Variants in PRIM2 observed in about 807,000 individuals in gnomAD.
The protein encoded by PRIM2 is DNA primase subunit 2.
Under a neutral mutation model 67.3 loss-of-function variants are expected in PRIM2, and 39 were observed. The observed-to-expected ratio is 0.58, with a 90% CI of 0.45 to 0.76. The LOEUF is 0.76. Among genes scored for constraint, PRIM2 ranks in the 30% least tolerant of loss-of-function variants. The pLI, the probability that PRIM2 is intolerant of heterozygous loss-of-function variation, is 0.00. For missense variants in PRIM2, 398 were observed against 598.7 expected, an observed-to-expected ratio of 0.66 and a Z score of 3.50; for synonymous variants, 143 against 198.7, an observed-to-expected ratio of 0.72 and a Z score of 2.36.
chr6:57,553,131 A>G (rs1775436956), intron 10 of PRIM2, among the ~76,000 whole-genome samples: 2 of 152,228 alleles, frequency 1.3e-5, no homozygotes, highest in South Asian at 2.1e-4. Flanking sequence ...AAAGCTTGAC[A>G]TTTCACAGGA....
chr6:57,312,081 T>G (rs1767403939), upstream of PRIM2, among the ~76,000 whole-genome samples: 2 of 150,272 alleles, frequency 1.3e-5, no homozygotes, highest in African/African-American at 2.4e-5. Flanking sequence ...GGAGAGGGCT[T>G]TTCTACTGTT....
chr6:57,324,338 G>A lies in PRIM2; in HGVS notation c.338+58G>A, dbSNP rs147979494. 3 of 1,091,026 alleles carry A rather than the reference G, an allele frequency of 2.7e-6. No homozygotes were observed. In the Admixed American group the frequency reaches 5.9e-5, roughly 22 times the overall value. The allele number at this position is 1,091,026 out of a possible 1,614,324, so 67.6% of individuals were successfully genotyped here. A position where few individuals can be genotyped will look rare whatever the true frequency, so the allele number is the denominator to read the frequency against. On this transcript the variant is annotated intron_variant, in intron 4 of 13. Transcript: ENST00000615550. ...CTGGTGTCATGGGTTATAAATTGGT[G>A]TGTGGTAAGTTGATGTGTTGTGCTA...
chr6:57,288,640 T>A, the PRIM2 span, among the ~76,000 whole-genome samples: 1 of 152,122 alleles, frequency 6.6e-6, no homozygotes, highest in Admixed American at 6.5e-5. Flanking sequence ...CAGCCTCTGC[T>A]AGTGACACCC....
Position 57,643,759 on chromosome 6 carries a change from G to A in PRIM2, c.1300-2169G>A, listed in dbSNP as rs1265624740. 1.8e-3 allele frequency among the ~76,000 whole-genome samples: 278 copies of A among 152,170 alleles called. 2 individuals carry two copies. Among genetic ancestry groups the A allele is most frequent in the African/African-American group, 6.3e-3 (262 of 41,532 alleles). ...AAACATTTTGAAATCAAGCAGCTAA[G>A]TTAAAAAAATGAAGCAAAGATAAAA... On this transcript the variant is annotated intron_variant, in intron 13 of 13. Transcript: ENST00000615550.
At chr6:57,234,018 A>G in the PRIM2 span, among the ~76,000 whole-genome samples, 1 of 152,104 alleles carries the variant, frequency 6.6e-6, no homozygotes, top group South Asian at 2.1e-4. Context: ...ACGAATAAAT[A>G]GATGTATGAT....
intron 5 of PRIM2, among the ~76,000 whole-genome samples, chr6:57,374,047 A>G (rs1173130435): frequency 6.6e-6 from 1 of 152,024 alleles, no homozygotes; most frequent in African/African-American, 2.4e-5. Context: ...CAGTATGGAC[A>G]TTTTCATGAT....
intron 7 of PRIM2, among the ~76,000 whole-genome samples, chr6:57,398,349 A>G (rs532404923): frequency 6.6e-6 from 1 of 152,190 alleles, no homozygotes; most frequent in Non-Finnish European, 1.5e-5. Flanking sequence ...AATATGTTGT[A>G]TCTTTGCCCT....
chr6:57,438,365 A>T (rs1489371412), intron 7 of PRIM2, among the ~76,000 whole-genome samples: 1 of 152,198 alleles, frequency 6.6e-6, no homozygotes, highest in Non-Finnish European at 1.5e-5. Flanking sequence ...TATGAAAGGA[A>T]ATGAAAAGAT....
chr6:57,258,838 A>G, the PRIM2 span, among the ~76,000 whole-genome samples: 2 of 152,126 alleles, frequency 1.3e-5, no homozygotes, highest in Non-Finnish European at 2.9e-5. Context: ...CCGCTCCCAG[A>G]ACCTGGACTC....
At chr6:57,608,092 C>A (rs1776593669) in intron 12 of PRIM2, among the ~76,000 whole-genome samples, 1 of 151,698 alleles carries the variant, frequency 6.6e-6, no homozygotes, top group African/African-American at 2.4e-5. Flanking sequence ...GAGTCAAAAG[C>A]TGTGTTTGAA....
rs1248415384 is a variant in PRIM2, at chr6:57,345,140, A to T, written c.459+19095A>T. On this transcript the variant is annotated intron_variant, in intron 5 of 13. Coordinates refer to ENST00000615550, the MANE Select transcript of PRIM2 (RefSeq NM_000947.5). The stretch of plus-strand genomic sequence containing the variant: ...GCTATGTCCTATTTGTTTTATAATG[A>T]TATATATCTATTTCAATTTTATTAA... Among the ~76,000 whole-genome samples, 9 of 147,574 alleles carry T rather than the reference A, an allele frequency of 6.1e-5. No homozygotes were observed. The East Asian group carries it at 1.6e-3, about 26-fold the overall frequency.
intron 12 of PRIM2, among the ~76,000 whole-genome samples, chr6:57,621,176 G>T (rs1179607263): frequency 6.6e-6 from 1 of 152,200 alleles, no homozygotes; most frequent in East Asian, 1.9e-4. Context: ...CAGTTATAGA[G>T]GCTGAGAAGT....
chr6:57,573,816 A>G (rs1238728707), intron 10 of PRIM2, among the ~76,000 whole-genome samples: 1 of 152,264 alleles, frequency 6.6e-6, no homozygotes, highest in African/African-American at 2.4e-5. Context: ...CCTTACACAC[A>G]TATATAGAGT....
At chr6:57,330,361 G>GT (rs59599812) in intron 5 of PRIM2, among the ~76,000 whole-genome samples, 19 of 110,378 alleles carry the variant, frequency 1.7e-4, no homozygotes, top group South Asian at 9.3e-4. Context: ...TTTTTTTTTT[G>GT]TTTTTGTTTT....
chr6:57,612,808 T>TC (rs1776690166), intron 12 of PRIM2, among the ~76,000 whole-genome samples: 1 of 150,182 alleles, frequency 6.7e-6, no homozygotes, highest in Non-Finnish European at 1.5e-5. Flanking sequence ...TTTTTTTTTT[T>TC]TAAATAGACA....
chr6:57,574,133 T>G (rs1443437429), intron 10 of PRIM2, among the ~76,000 whole-genome samples: 1 of 152,172 alleles, frequency 6.6e-6, no homozygotes, highest in African/African-American at 2.4e-5. Flanking sequence ...TGGCCTATGA[T>G]TGGTCCATTT....
At chr6:57,355,052 C>G (rs1385639693) in intron 5 of PRIM2, among the ~76,000 whole-genome samples, 19 of 152,282 alleles carry the variant, frequency 1.2e-4, no homozygotes, top group Non-Finnish European at 1.5e-4. Context: ...ACGTGTAATC[C>G]CAGCACTTCG....
At chr6:57,370,643 T>C (rs1769516046) in intron 5 of PRIM2, among the ~76,000 whole-genome samples, 1 of 151,340 alleles carries the variant, frequency 6.6e-6, no homozygotes, top group East Asian at 1.9e-4. Context: ...TTGCTTACTT[T>C]GGGTGAAAAG....
intron 7 of PRIM2, among the ~76,000 whole-genome samples, chr6:57,502,897 C>T (rs1358905279): frequency 1.3e-5 from 2 of 152,106 alleles, no homozygotes; most frequent in Admixed American, 1.3e-4. Context: ...TGCACTTGCC[C>T]TCATTTTAAC....
Sources: allele counts gnomAD v4.1 joint callset (sites outside exome capture counted in the v4.1 genomes callset), GRCh38; gene constraint gnomAD v4.1.1; transcripts MANE v1.5; gene names NCBI Gene and HGNC (gene_info 2026-07-23, HGNC 2026-07-21).